The following PEX13 variants were observed in gnomAD, a reference collection of about 807,000 sequenced individuals.
The protein encoded by PEX13 is peroxisome biogenesis factor 13.
Under a neutral mutation model 34.5 loss-of-function variants are expected in PEX13, and 28 were observed. The observed-to-expected ratio is 0.81, with a 90% CI of 0.60 to 1.11. PEX13 has a LOEUF of 1.11. Among genes scored for constraint, PEX13 ranks in the 50% most tolerant of loss-of-function variants. The pLI, the probability that PEX13 is intolerant of heterozygous loss-of-function variation, is 0.00. For missense variants in PEX13, 550 were observed against 491.0 expected, an observed-to-expected ratio of 1.12 and a Z score of -1.13; for synonymous variants, 177 against 175.1, an observed-to-expected ratio of 1.01 and a Z score of -0.09.
chr2:61,048,410 T>C, intron 3 of PEX13, 62 bp from the exon 4 acceptor site: 12 of 1,332,002 alleles, frequency 9.0e-6, no homozygotes, highest in Non-Finnish European at 1.2e-5. Context: ...ATTTTACCAT[T>C]ACTATTCTGT....
At chr2:61,036,150 G>A (rs747659148) in intron 2 of PEX13, among the ~76,000 whole-genome samples, 10 of 152,138 alleles carry the variant, frequency 6.6e-5, no homozygotes, top group African/African-American at 1.4e-4. Flanking sequence ...CCAAATCTAC[G>A]TTTGATTGAT....
intron 2 of PEX13, among the ~76,000 whole-genome samples, chr2:61,040,341 G>A (rs1006131425): frequency 1.3e-5 from 2 of 152,084 alleles, no homozygotes; most frequent in African/African-American, 2.4e-5. Flanking sequence ...CAACCCACAT[G>A]TCCATCAATG....
At chr2:61,032,921 A>G (rs1226423959) in intron 2 of PEX13, among the ~76,000 whole-genome samples, 1 of 152,214 alleles carries the variant, frequency 6.6e-6, no homozygotes, top group Non-Finnish European at 1.5e-5. Flanking sequence ...ATAGTATTGC[A>G]TTGGATCGTA....
At chr2:61,042,986 T>A (rs2104810866) in intron 2 of PEX13, among the ~76,000 whole-genome samples, 2 of 152,340 alleles carry the variant, frequency 1.3e-5, no homozygotes, top group East Asian at 3.9e-4. Flanking sequence ...GAGTTCATTA[T>A]CTCGAGAGTG....
At position 61,051,017 on chromosome 2, in the gene PEX13, A is replaced by G. The variant is rs937161211; in HGVS notation, c.*2247A>G. ...CAGGAACCAAGTACATACCCAGCAT[A>G]GAAGAACTTTACTAAAGGCTTCTTG... On this transcript the variant is annotated 3_prime_UTR_variant, in exon 4 of 4. Coordinates refer to ENST00000295030, the MANE Select transcript of PEX13 (RefSeq NM_002618.4). 9.8e-5 allele frequency: 15 copies of G among 152,516 alleles called. No individual in the cohort carries two copies. Among genetic ancestry groups the G allele is most frequent in the Non-Finnish European group, 2.2e-4 (15 of 68,034 alleles). The allele number at this position is 152,516 out of a possible 1,614,324, so 9.4% of individuals were successfully genotyped here.
At chr2:61,047,547 A>C (rs1271103920) in intron 3 of PEX13, among the ~76,000 whole-genome samples, 1 of 152,210 alleles carries the variant, frequency 6.6e-6, no homozygotes, top group Non-Finnish European at 1.5e-5. Context: ...GACAGGAACA[A>C]CACAGATAAT....
chr2:61,031,552 A>G lies in PEX13; in HGVS notation c.226A>G (p.Ser76Gly), dbSNP rs148296743. ...TGTGAACACTTTTAGACCTGCTTAC[A>G]GTTCATTTTCTTCTGGATATGGTGC... ...SSVNTFRPAY[S>G]SFSSGYGAYG... The change falls in exon 2 of 4, where the codon AGT (serine) becomes GGT (glycine). Residue 76 changes from serine (S) to glycine (G), a missense_variant. Ser to Gly is a moderately conservative substitution (Grantham distance 56, BLOSUM62 0). Coordinates refer to ENST00000295030, the MANE Select transcript of PEX13 (RefSeq NM_002618.4). 119 of 1,614,124 alleles carry G rather than the reference A, an allele frequency of 7.4e-5. No individual in the cohort carries two copies. In the African/African-American group the frequency reaches 1.3e-3, roughly 18 times the overall value.
chr2:61,025,599 C>G (rs1680341178), intron 1 of PEX13, among the ~76,000 whole-genome samples: 1 of 152,014 alleles, frequency 6.6e-6, no homozygotes, highest in Non-Finnish European at 1.5e-5. Flanking sequence ...ATTCAAGTGA[C>G]CCACCTGCCT....
rs745465894 is a variant in PEX13, at chr2:61,017,768, C to T, written c.9C>T (p.Ser3=). 69 of 1,549,342 alleles carry T rather than the reference C, an allele frequency of 4.5e-5. No homozygotes were observed. Among genetic ancestry groups the T allele is most frequent in the Non-Finnish European group, 5.6e-5 (64 of 1,146,576 alleles). Residue 3 remains serine (S), a synonymous_variant, in exon 1 of 4, where the codon TCC becomes TCT. Coordinates refer to ENST00000295030, the MANE Select transcript of PEX13 (RefSeq NM_002618.4). MA[S]QPPPPPKPWE... Reference sequence around the variant, plus strand: ...GAGAGGAGGCGGAGGAGATGGCGTCCCAGCCGCCACCTCCCCCCAAACCCT... The same window carrying T: ...GAGAGGAGGCGGAGGAGATGGCGTCTCAGCCGCCACCTCCCCCCAAACCCT...
At chr2:61,021,165 G>C (rs1287673327) in intron 1 of PEX13, among the ~76,000 whole-genome samples, 1 of 152,174 alleles carries the variant, frequency 6.6e-6, no homozygotes, top group African/African-American at 2.4e-5. Context: ...CACTGGGACT[G>C]GTTGAACACT....
intron 2 of PEX13, among the ~76,000 whole-genome samples, chr2:61,045,504 G>A (rs886880134): frequency 4.6e-5 from 7 of 152,096 alleles, no homozygotes; most frequent in Admixed American, 4.6e-4. Flanking sequence ...CCTGGCTCAC[G>A]GTAAGAGAGC....
intron 3 of PEX13, 37 bp from the exon 4 acceptor site, chr2:61,048,435 A>G: frequency 2.6e-6 from 4 of 1,565,162 alleles, no homozygotes; most frequent in South Asian, 1.1e-5. Context: ...CCTCCAAAGT[A>G]TATTGTAATT....
In PEX13 at chr2:61,048,739, T is replaced by C. The variant is rs775502400; in HGVS notation, c.1181T>C (p.Ile394Thr). The C allele has an allele frequency of 3.7e-6, 6 of 1,613,934 alleles. No homozygotes were observed. The highest frequency in any genetic ancestry group is 1.7e-5 in the Admixed American group (1 of 60,000). The stretch of plus-strand genomic sequence containing the variant: ...AAGGTTCCAGTTGCACCTGATTCCA[T>C]TGGGAAAGATGGAGAAAAGCAAGAT... ...TNKVPVAPDS[I>T]GKDGEKQDL The change falls in exon 4 of 4, where the codon ATT becomes ACT. Residue 394 changes from isoleucine (I) to threonine (T), a missense_variant. Transcript: ENST00000295030.
At chr2:61,040,233 T>G (rs1360274599) in intron 2 of PEX13, among the ~76,000 whole-genome samples, 1 of 152,190 alleles carries the variant, frequency 6.6e-6, no homozygotes, top group East Asian at 1.9e-4. Flanking sequence ...GATCCCTTAC[T>G]GGGTATATAT....
chr2:61,043,368 AAGAC>A (rs1210464387), intron 2 of PEX13, among the ~76,000 whole-genome samples: 1 of 152,072 alleles, frequency 6.6e-6, no homozygotes, highest in African/African-American at 2.4e-5. Flanking sequence ...TTTCAAAAAA[AAGAC>A]AGTACTGCTT....
intron 3 of PEX13, among the ~76,000 whole-genome samples, chr2:61,047,312 C>A (rs1053211466): frequency 6.6e-6 from 1 of 152,064 alleles, no homozygotes; most frequent in African/African-American, 2.4e-5. Flanking sequence ...CATGCCACCA[C>A]GACCAGCTAG....
In PEX13 at chr2:61,031,821, A is replaced by G; in HGVS notation, c.495A>G (p.Ala165=). The change falls in exon 2 of 4, where the codon GCA becomes GCG. Residue 165 remains alanine (A), a synonymous_variant. Coordinates refer to ENST00000295030, the MANE Select transcript of PEX13 (RefSeq NM_002618.4). ...GTTTCAGGGCTGTATTGGATGTAGC[A>G]AATCACTTTTCCCGATTGAAAATAC... is the stretch of plus-strand genomic sequence containing the variant. The part of the protein sequence containing the change: ...YNSFRAVLDV[A]NHFSRLKIHF... 1 of 1,613,758 alleles carries G rather than the reference A, an allele frequency of 6.2e-7. No homozygotes were observed. The highest frequency in any genetic ancestry group is 8.5e-7 in the Non-Finnish European group (1 of 1,179,622).
At chr2:61,039,534 A>C (rs1383531473) in intron 2 of PEX13, among the ~76,000 whole-genome samples, 1 of 152,224 alleles carries the variant, frequency 6.6e-6, no homozygotes, top group Non-Finnish European at 1.5e-5. Flanking sequence ...AAAACTGGCT[A>C]GCCATATGTA....
At chr2:61,046,120 T>C (rs1680701317) in intron 3 of PEX13, among the ~76,000 whole-genome samples, 1 of 152,212 alleles carries the variant, frequency 6.6e-6, no homozygotes, top group Non-Finnish European at 1.5e-5. Flanking sequence ...AATTTCAAAC[T>C]GTTAATCCCC....
Sources: allele counts gnomAD v4.1 joint callset (sites outside exome capture counted in the v4.1 genomes callset), GRCh38; gene constraint gnomAD v4.1.1; transcripts MANE v1.5; gene names NCBI Gene and HGNC (gene_info 2026-07-23, HGNC 2026-07-21).